The following ARHGAP10 variants were observed in gnomAD, a reference collection of about 807,000 sequenced individuals.
The protein encoded by ARHGAP10 is Rho GTPase activating protein 10.
Under a neutral mutation model 108.6 loss-of-function variants are expected in ARHGAP10, and 87 were observed. The observed-to-expected ratio is 0.80, with a 90% CI of 0.67 to 0.96. The LOEUF (loss-of-function observed/expected upper bound fraction) is 0.96, where lower values mean the gene tolerates loss of function less well. Ranked by LOEUF, ARHGAP10 falls within the 40% of genes least tolerant of loss-of-function variation. The pLI is 0.00. For missense variants in ARHGAP10, 939 were observed against 954.5 expected, an observed-to-expected ratio of 0.98 and a Z score of 0.21; for synonymous variants, 347 against 341.1, an observed-to-expected ratio of 1.02 and a Z score of -0.19.
intron 20 of ARHGAP10, among the ~76,000 whole-genome samples, chr4:148,049,334 C>A (rs1237413893): frequency 6.6e-6 from 1 of 152,194 alleles, no homozygotes; most frequent in African/African-American, 2.4e-5. Context: ...CCATCCCCTG[C>A]TCCTTGCCTG....
rs546698368 is a variant in ARHGAP10, at chr4:147,905,094, G to C, written c.1035-1544G>C. On this transcript the variant is annotated intron_variant, in intron 10 of 22. Coordinates refer to ENST00000336498, the MANE Select transcript of ARHGAP10 (RefSeq NM_024605.4). The stretch of plus-strand genomic sequence containing the variant: ...TGATGGGGTTGTTTGTTTTTTTCTT[G>C]TAAATTTATTTGAGTTCATTGTAGA... 2.8e-3 allele frequency among the ~76,000 whole-genome samples: 419 copies of C among 152,132 alleles called. 3 individuals carry two copies. The highest frequency in any genetic ancestry group is 4.4e-3 in the Non-Finnish European group (297 of 67,996).
At chr4:147,746,680 G>A (rs1728937658) in intron 1 of ARHGAP10, among the ~76,000 whole-genome samples, 1 of 152,100 alleles carries the variant, frequency 6.6e-6, no homozygotes, top group South Asian at 2.1e-4. Context: ...GTGAGCCACC[G>A]TGCCTGGCAG....
At chr4:147,896,713 C>A (rs1736005488) in intron 10 of ARHGAP10, among the ~76,000 whole-genome samples, 1 of 151,878 alleles carries the variant, frequency 6.6e-6, no homozygotes. Context: ...AAGCACAGAT[C>A]ATTAATTTTA....
At chr4:147,930,900 C>A (rs1232760501) in intron 13 of ARHGAP10, among the ~76,000 whole-genome samples, 3 of 152,146 alleles carry the variant, frequency 2.0e-5, no homozygotes, top group Non-Finnish European at 4.4e-5. Context: ...TTAACTATCC[C>A]AGAACATCTT....
In ARHGAP10 at chr4:147,957,706, G is replaced by T. The variant is rs539394619; in HGVS notation, c.1450+2332G>T. On this transcript the variant is annotated intron_variant, in intron 16 of 22. Coordinates refer to ENST00000336498, the MANE Select transcript of ARHGAP10 (RefSeq NM_024605.4). ...TTCTCTTCTACCCTCCCTGCTGAGA[G>T]TTCTCAAGGTTTCTCCTGGGTCCCA... 1.2e-3 allele frequency among the ~76,000 whole-genome samples: 184 copies of T among 152,290 alleles called. 2 individuals carry two copies. The highest frequency in any genetic ancestry group is 4.2e-3 in the African/African-American group (176 of 41,574).
intron 14 of ARHGAP10, among the ~76,000 whole-genome samples, chr4:147,942,259 T>C (rs1232172053): frequency 6.6e-6 from 1 of 152,192 alleles, no homozygotes; most frequent in Non-Finnish European, 1.5e-5. Flanking sequence ...ATAATTTAAT[T>C]TTTAAGTATT....
intron 4 of ARHGAP10, among the ~76,000 whole-genome samples, chr4:147,852,740 C>T (rs1399357251): frequency 5.7e-5 from 6 of 104,564 alleles, no homozygotes; most frequent in African/African-American, 1.1e-4. Context: ...TAAAATGGAG[C>T]GGAGTTTCGC....
chr4:147,813,218 G>A (rs1028865170), intron 1 of ARHGAP10, among the ~76,000 whole-genome samples: 2 of 152,020 alleles, frequency 1.3e-5, no homozygotes, highest in East Asian at 3.9e-4. Flanking sequence ...TTTAAGGGAT[G>A]TTTTTATACT....
chr4:147,992,336 C>T (rs906393298), intron 18 of ARHGAP10, among the ~76,000 whole-genome samples: 34 of 152,292 alleles, frequency 2.2e-4, no homozygotes, highest in Admixed American at 5.9e-4. Flanking sequence ...GTCACACTGA[C>T]CACCCCTCCC....
At chr4:147,819,924 C>T (rs1444347903) in intron 1 of ARHGAP10, among the ~76,000 whole-genome samples, 1 of 152,104 alleles carries the variant, frequency 6.6e-6, no homozygotes, top group African/African-American at 2.4e-5. Context: ...GACTGACAGC[C>T]GTCGCTTCAG....
intron 1 of ARHGAP10, among the ~76,000 whole-genome samples, chr4:147,752,766 A>T (rs1729210638): frequency 6.6e-6 from 1 of 152,146 alleles, no homozygotes; most frequent in African/African-American, 2.4e-5. Flanking sequence ...ACCTCAAGTG[A>T]TCCTCCCACC....
chr4:148,059,103 C>G (rs1041357558), intron 20 of ARHGAP10, among the ~76,000 whole-genome samples: 1 of 152,130 alleles, frequency 6.6e-6, no homozygotes, highest in Non-Finnish European at 1.5e-5. Flanking sequence ...TCTATTTGTC[C>G]CCTTTCTTTG....
chr4:147,783,572 A>G (rs1730659735), intron 1 of ARHGAP10, among the ~76,000 whole-genome samples: 2 of 147,530 alleles, frequency 1.4e-5, no homozygotes, highest in African/African-American at 4.9e-5. Flanking sequence ...TAAATTGTGT[A>G]TTGTATAATT....
intron 8 of ARHGAP10, among the ~76,000 whole-genome samples, chr4:147,878,203 C>T (rs1309866767): frequency 6.6e-6 from 1 of 152,134 alleles, no homozygotes; most frequent in Non-Finnish European, 1.5e-5. Context: ...TCAGCCTATT[C>T]ACCTGCCTCA....
At chr4:148,054,198 C>T (rs1038453176) in intron 20 of ARHGAP10, among the ~76,000 whole-genome samples, 4 of 152,200 alleles carry the variant, frequency 2.6e-5, no homozygotes, top group African/African-American at 7.2e-5. Flanking sequence ...TCCGTAAGTT[C>T]GAGACCGTTT....
At chr4:148,062,993 C>T (rs1729687516) in intron 20 of ARHGAP10, among the ~76,000 whole-genome samples, 155 bp from the exon 21 acceptor site, 1 of 152,106 alleles carries the variant, frequency 6.6e-6, no homozygotes, top group African/African-American at 2.4e-5. Context: ...GTAGTTTGGG[C>T]TGCAGCCCCG....
chr4:147,850,997 T>C (rs1381108684), intron 4 of ARHGAP10, among the ~76,000 whole-genome samples: 2 of 152,180 alleles, frequency 1.3e-5, no homozygotes, highest in Admixed American at 1.3e-4. Flanking sequence ...ATTGCTTTTT[T>C]GGACATTTGA....
intron 3 of ARHGAP10, among the ~76,000 whole-genome samples, chr4:147,843,312 T>G (rs1003267141): frequency 3.9e-5 from 6 of 152,184 alleles, no homozygotes; most frequent in African/African-American, 1.4e-4. Flanking sequence ...GCCTTTACTT[T>G]ATGGCATGTT....
At chr4:147,990,054 A>G (rs114411511) in intron 18 of ARHGAP10, among the ~76,000 whole-genome samples, 284 of 152,314 alleles carry the variant, frequency 1.9e-3, no homozygotes, top group African/African-American at 6.5e-3. Flanking sequence ...ACTTCCCGCA[A>G]CACTCCTGAT....
Sources: allele counts gnomAD v4.1 joint callset (sites outside exome capture counted in the v4.1 genomes callset), GRCh38; gene constraint gnomAD v4.1.1; transcripts MANE v1.5; gene names NCBI Gene and HGNC (gene_info 2026-07-23, HGNC 2026-07-21).